The following CSPP1 variants were observed in gnomAD, a reference collection of about 807,000 sequenced individuals.
CSPP1 encodes the protein centrosome and spindle pole associated protein 1.
CSPP1 carries 126 observed loss-of-function variants against 164.4 expected under a neutral mutation model. The ratio of observed to expected loss-of-function variants is 0.77; its 90% CI spans 0.66 to 0.89. CSPP1 has a LOEUF of 0.89. Ranked by LOEUF, CSPP1 falls within the 40% of genes least tolerant of loss-of-function variation. The probability of loss-of-function intolerance (pLI) is 0.00; values close to 1 mark genes in which losing one functional copy is unlikely to be tolerated. For synonymous variants in CSPP1, 472 were observed against 476.7 expected (o/e 0.99, Z 0.13); for missense variants, 1,395 against 1,449.8 (o/e 0.96, Z 0.61).
intron 15 of CSPP1, among the ~76,000 whole-genome samples, chr8:67,121,681 T>C (rs533472485): frequency 6.6e-6 from 1 of 152,284 alleles, no homozygotes; most frequent in South Asian, 2.1e-4. Context: ...TAGAAGGAAT[T>C]AGGAAGTGTT....
At chr8:67,068,240 A>G (rs1040681211) in intron 1 of CSPP1, among the ~76,000 whole-genome samples, 1 of 152,214 alleles carries the variant, frequency 6.6e-6, no homozygotes, top group African/African-American at 2.4e-5. Context: ...AATAAATGAT[A>G]TTTCTGTTTT....
intron 2 of CSPP1, among the ~76,000 whole-genome samples, chr8:67,075,291 A>G (rs1454824579): frequency 6.6e-6 from 1 of 152,236 alleles, no homozygotes; most frequent in African/African-American, 2.4e-5. Context: ...AATCTGTGCC[A>G]TATGGTTCAT....
chr8:67,165,080 C>A (rs570072970), intron 24 of CSPP1, among the ~76,000 whole-genome samples: 1 of 152,142 alleles, frequency 6.6e-6, no homozygotes, highest in Admixed American at 6.5e-5. Context: ...GTCAGGAGAT[C>A]GAGACCATCC....
chr8:67,093,561 C>T lies in CSPP1; in HGVS notation c.403C>T (p.Arg135Cys), dbSNP rs374898693. The stretch of plus-strand genomic sequence containing the variant: ...TTTTAAGGAAAGGTTGAAACTTGAA[C>T]GTAACAAAGAATACAATCAGTTTCT... Reference protein sequence around the residue: ...LSAKERLKLERNKEYNQFLRG... With the variant: ...LSAKERLKLECNKEYNQFLRG... The change falls in exon 6 of 31, where the codon CGT (arginine) becomes TGT (cysteine). Residue 135 changes from arginine (R) to cysteine (C), a missense_variant. Arg to Cys is a radical substitution (Grantham distance 180). Coordinates refer to ENST00000678616, the MANE Select transcript of CSPP1 (RefSeq NM_001382391.1). 80 of 1,604,422 alleles carry T rather than the reference C, an allele frequency of 5.0e-5. No homozygotes were observed. Among genetic ancestry groups the T allele is most frequent in the Non-Finnish European group, 5.9e-5 (69 of 1,174,064 alleles).
chr8:67,114,477 A>T (rs1178995076), intron 12 of CSPP1, 107 bp downstream of exon 12: 1 of 152,598 alleles, frequency 6.6e-6, no homozygotes, highest in Non-Finnish European at 1.5e-5. Flanking sequence ...AAGACCTTTA[A>T]TTTCATTAAA....
chr8:67,182,069 A>G (rs1467784542), intron 28 of CSPP1, among the ~76,000 whole-genome samples: 3 of 152,040 alleles, frequency 2.0e-5, no homozygotes, highest in African/African-American at 7.2e-5. Context: ...TGGTGTGATC[A>G]TGGCTCACTG....
At chr8:67,077,046 T>TTATGG (rs1808074533) in intron 3 of CSPP1, among the ~76,000 whole-genome samples, 1 of 152,212 alleles carries the variant, frequency 6.6e-6, no homozygotes, top group South Asian at 2.1e-4. Flanking sequence ...AATGCTTTGA[T>TTATGG]TATGGTATGG....
intron 21 of CSPP1, among the ~76,000 whole-genome samples, chr8:67,160,858 G>A (rs967967269): frequency 2.4e-4 from 37 of 151,656 alleles, no homozygotes; most frequent in African/African-American, 6.8e-4. Context: ...ATAGAGACTC[G>A]CTTTGTTGCC....
At chr8:67,091,926 G>T in intron 5 of CSPP1, 43 bp downstream of exon 5, 1 of 813,122 alleles carries the variant, frequency 1.2e-6, no homozygotes, top group Non-Finnish European at 1.8e-6. Context: ...AGTTTTCCGA[G>T]GCATCAAAAT....
chr8:67,136,568 CAAAAAAA>C (rs35184133), intron 16 of CSPP1, among the ~76,000 whole-genome samples: 4 of 27,684 alleles, frequency 1.4e-4, no homozygotes, highest in Non-Finnish European at 2.8e-4. Flanking sequence ...GACTCCGTCT[CAAAAAAA>C]AAAAAAAAAA....
chr8:67,127,267 A>C (rs972235843), intron 15 of CSPP1, among the ~76,000 whole-genome samples: 7 of 152,188 alleles, frequency 4.6e-5, no homozygotes, highest in Non-Finnish European at 1.5e-5. Context: ...CTTAAACAAC[A>C]GACATTTTTT....
chr8:67,082,879 T>C (rs1387939681), intron 3 of CSPP1, among the ~76,000 whole-genome samples: 6 of 152,176 alleles, frequency 3.9e-5, no homozygotes, highest in Non-Finnish European at 7.4e-5. Flanking sequence ...ATGCTTTACT[T>C]GCTGCTAGAT....
At chr8:67,072,109 C>T (rs758880521) in intron 1 of CSPP1, among the ~76,000 whole-genome samples, 29 of 151,878 alleles carry the variant, frequency 1.9e-4, no homozygotes, top group Non-Finnish European at 4.0e-4. Context: ...CTGGCTAACA[C>T]GGTGAAATCC....
rs142039911 is a variant in CSPP1 at position 67,176,110 on chromosome 8, A to G, written c.3109+674A>G. 1.8e-3 allele frequency among the ~76,000 whole-genome samples: 275 copies of G among 152,130 alleles called. 4 individuals are homozygous for G. The highest frequency in any genetic ancestry group is 6.4e-3 in the African/African-American group (266 of 41,494). On this transcript the variant is annotated intron_variant, in intron 26 of 30. Transcript: ENST00000678616. ...TTGGGGTGGGTGGGCACCTAGAAGC[A>G]GAGTGGGGCTAGTTGTCTCAGAGAG...
intron 17 of CSPP1, among the ~76,000 whole-genome samples, chr8:67,138,617 G>A (rs1822846994): frequency 1.3e-5 from 2 of 151,984 alleles, no homozygotes; most frequent in Non-Finnish European, 2.9e-5. Flanking sequence ...GTAGATCAAA[G>A]ATACACACTT....
intron 7 of CSPP1, among the ~76,000 whole-genome samples, chr8:67,098,331 T>C (rs1813273892): frequency 6.6e-6 from 1 of 151,270 alleles, no homozygotes; most frequent in Non-Finnish European, 1.5e-5. Flanking sequence ...CAGCATCTGG[T>C]AAATTCTAGT....
intron 3 of CSPP1, among the ~76,000 whole-genome samples, chr8:67,078,688 G>A (rs1191863491): frequency 6.6e-6 from 1 of 151,734 alleles, no homozygotes; most frequent in Non-Finnish European, 1.5e-5. Flanking sequence ...GTAGTTTTTC[G>A]GGCTGGGCGT....
At chr8:67,137,026 A>G (rs1195489139) in intron 16 of CSPP1, among the ~76,000 whole-genome samples, 1 of 152,012 alleles carries the variant, frequency 6.6e-6, no homozygotes, top group Non-Finnish European at 1.5e-5. Context: ...ATGTTGCCCA[A>G]GCTGAAGTAC....
intron 28 of CSPP1, among the ~76,000 whole-genome samples, chr8:67,180,720 G>A (rs1832797600): frequency 6.6e-6 from 1 of 151,982 alleles, no homozygotes; most frequent in South Asian, 2.1e-4. Context: ...AAGTGTATAA[G>A]GAATCTCTAC....
Sources: gnomAD v4.1 joint callset for allele counts (sites outside exome capture counted in the v4.1 genomes callset) on GRCh38, gnomAD v4.1.1 for gene constraint, MANE v1.5 for transcripts, NCBI Gene and HGNC (gene_info 2026-07-23, HGNC 2026-07-21) for gene names.